The following NOL4 variants were observed in gnomAD, a reference collection of about 807,000 sequenced individuals.
NOL4 encodes cancer/testis antigen 125.
Under a neutral mutation model 75.9 loss-of-function variants are expected in NOL4, and 17 were observed. The observed-to-expected ratio is 0.22, with a 90% CI of 0.15 to 0.34. NOL4 has a LOEUF of 0.34. NOL4 is among the 10% of genes least tolerant of loss of function. NOL4 has a pLI of 1.00. For synonymous variants in NOL4, 292 were observed against 289.9 expected (o/e 1.01, Z -0.07); for missense variants, 614 against 793.5 (o/e 0.77, Z 2.72).
intron 2 of NOL4, among the ~76,000 whole-genome samples, chr18:34,110,008 C>A (rs2079507298): frequency 6.6e-6 from 1 of 151,248 alleles, no homozygotes; most frequent in African/African-American, 2.4e-5. Flanking sequence ...AATCAGTAAT[C>A]AAAAACCTCC....
chr18:33,963,485 A>T (rs1267474417), intron 6 of NOL4, among the ~76,000 whole-genome samples: 1 of 152,162 alleles, frequency 6.6e-6, no homozygotes, highest in African/African-American at 2.4e-5. Context: ...ACTTTGGATG[A>T]CTATAGCCTA....
chr18:33,968,340 A>C (rs2070773379), intron 6 of NOL4, among the ~76,000 whole-genome samples: 1 of 152,176 alleles, frequency 6.6e-6, no homozygotes, highest in Non-Finnish European at 1.5e-5. Flanking sequence ...TTATATGTTC[A>C]TCACAGGACC....
intron 10 of NOL4, among the ~76,000 whole-genome samples, chr18:33,858,443 G>C (rs1349195317): frequency 3.3e-5 from 5 of 151,538 alleles, no homozygotes; most frequent in Non-Finnish European, 7.4e-5. Context: ...AGCTAATATA[G>C]ATAAAGTATC....
chr18:34,217,557 G>A (rs553750739), intron 1 of NOL4, among the ~76,000 whole-genome samples: 31 of 152,204 alleles, frequency 2.0e-4, no homozygotes, highest in African/African-American at 7.0e-4. Flanking sequence ...AGAATGCTAG[G>A]ATTACAGGCA....
intron 8 of NOL4, among the ~76,000 whole-genome samples, chr18:33,943,684 T>C (rs972577558): frequency 7.2e-5 from 11 of 151,750 alleles, no homozygotes. Flanking sequence ...ATTACAATGG[T>C]TTTAAATATA....
chr18:33,987,996 G>C (rs1332329090), intron 6 of NOL4, among the ~76,000 whole-genome samples: 1 of 152,056 alleles, frequency 6.6e-6, no homozygotes, highest in African/African-American at 2.4e-5. Context: ...CAAGAACCAA[G>C]AAGAAACTCG....
At chr18:34,084,418 T>G (rs911496388) in intron 5 of NOL4, among the ~76,000 whole-genome samples, 34 of 152,206 alleles carry the variant, frequency 2.2e-4, no homozygotes, top group Admixed American at 1.5e-3. Context: ...GGAAAGCAAC[T>G]GCCTATATAA....
rs915681405 is a variant in NOL4, at chr18:34,190,953, A to G, written c.264+32037T>C. On this transcript the variant is annotated intron_variant, in intron 1 of 10. Transcript: ENST00000261592. ...AAAAATATTCTGACACAGCCAAAGA[A>G]TCTCATCAGGCAAAGAATTATAAGT... 7.2e-5 allele frequency among the ~76,000 whole-genome samples: 11 copies of G among 152,198 alleles called. 1 individual carries two copies. The South Asian group carries it at 1.9e-3, about 26-fold the overall frequency.
chr18:34,061,153 A>G (rs1192086553), intron 5 of NOL4, among the ~76,000 whole-genome samples: 6 of 152,330 alleles, frequency 3.9e-5, no homozygotes, highest in African/African-American at 1.2e-4. Flanking sequence ...CTTAAATGTT[A>G]TAAGATATAA....
chr18:33,906,859 T>C (rs1288733674), intron 9 of NOL4, among the ~76,000 whole-genome samples: 1 of 152,140 alleles, frequency 6.6e-6, no homozygotes, highest in Non-Finnish European at 1.5e-5. Context: ...TCTTTTTAAT[T>C]CTCTAATCTA....
chr18:33,948,619 T>TA (rs1712351134), intron 8 of NOL4, among the ~76,000 whole-genome samples: 1 of 151,994 alleles, frequency 6.6e-6, no homozygotes, highest in African/African-American at 2.4e-5. Context: ...TTTTTATTCT[T>TA]AAAAATGACA....
intron 6 of NOL4, among the ~76,000 whole-genome samples, chr18:34,014,361 G>C (rs1159008507): frequency 6.6e-6 from 1 of 151,890 alleles, no homozygotes; most frequent in Non-Finnish European, 1.5e-5. Flanking sequence ...ATAATCACGT[G>C]CCCACCGCAG....
chr18:34,151,020 A>C (rs2081616119), intron 1 of NOL4, among the ~76,000 whole-genome samples: 1 of 151,862 alleles, frequency 6.6e-6, no homozygotes, highest in African/African-American at 2.4e-5. Context: ...ATGAGATACC[A>C]CTACATAACT....
intron 6 of NOL4, among the ~76,000 whole-genome samples, chr18:33,989,190 C>CAAAAAAAAAAAA (rs55924436): frequency 1.5e-5 from 1 of 65,086 alleles, no homozygotes; most frequent in Non-Finnish European, 2.7e-5. Context: ...CCCATCTCTA[C>CAAAAAAAAAAAA]AAAAAAAAAA....
At chr18:33,919,618 G>A (rs926236277) in intron 9 of NOL4, among the ~76,000 whole-genome samples, 5 of 152,128 alleles carry the variant, frequency 3.3e-5, no homozygotes, top group Non-Finnish European at 7.4e-5. Flanking sequence ...TATAATTTAA[G>A]GCTTGTTTAG....
At chr18:33,982,873 C>A (rs1359212849) in intron 6 of NOL4, among the ~76,000 whole-genome samples, 1 of 151,284 alleles carries the variant, frequency 6.6e-6, no homozygotes, top group African/African-American at 2.4e-5. Context: ...GCCTTAGCCT[C>A]CCACGTAGCT....
intron 1 of NOL4, 32 bp downstream of exon 1, chr18:34,222,958 A>C: frequency 1.3e-6 from 2 of 1,596,438 alleles, no homozygotes; most frequent in Non-Finnish European, 1.7e-6. Context: ...CTGCTCCGGC[A>C]GACAAATAAC....
chr18:33,887,050 A>T (rs1265210682), intron 9 of NOL4, among the ~76,000 whole-genome samples: 6 of 136,590 alleles, frequency 4.4e-5, no homozygotes, highest in South Asian at 2.2e-4. Context: ...ATCTAGATCT[A>T]ATATATATCT....
intron 4 of NOL4, among the ~76,000 whole-genome samples, chr18:34,103,154 A>G (rs536783484): frequency 1.3e-5 from 2 of 152,180 alleles, no homozygotes; most frequent in Admixed American, 6.5e-5. Context: ...TGAAAAACAA[A>G]CATTTAACCT....
Sources: allele counts gnomAD v4.1 joint callset (sites outside exome capture counted in the v4.1 genomes callset), GRCh38; gene constraint gnomAD v4.1.1; transcripts MANE v1.5; gene names NCBI Gene and HGNC (gene_info 2026-07-23, HGNC 2026-07-21).